Variants in NCKAP5 observed in about 807,000 individuals in gnomAD.
NCKAP5 encodes the protein NCK associated protein 5.
A neutral mutation model predicts 167.0 loss-of-function variants in NCKAP5; 92 were observed. That is an observed-to-expected ratio of 0.55 (90% confidence interval 0.47 to 0.66). The LOEUF is 0.66. Ranked by LOEUF, NCKAP5 falls within the 30% of genes least tolerant of loss-of-function variation. The pLI is 0.00. For synonymous variants in NCKAP5, 891 were observed against 877.4 expected (o/e 1.02, Z -0.27); for missense variants, 2,378 against 2,315.0 (o/e 1.03, Z -0.56).
chr2:133,643,152 G>A, the NCKAP5 span, among the ~76,000 whole-genome samples: 3 of 152,028 alleles, frequency 2.0e-5, no homozygotes, highest in South Asian at 6.2e-4. Flanking sequence ...TTAATTGTCT[G>A]GCCATTAATG....
intron 3 of NCKAP5, among the ~76,000 whole-genome samples, chr2:133,404,848 C>T (rs1688323057): frequency 6.6e-6 from 1 of 152,150 alleles, no homozygotes; most frequent in African/African-American, 2.4e-5. Flanking sequence ...ATCATTTTTA[C>T]CCCTAGATTA....
intron 6 of NCKAP5, among the ~76,000 whole-genome samples, chr2:133,111,764 G>T (rs1490871365): frequency 6.6e-6 from 1 of 152,160 alleles, no homozygotes; most frequent in African/African-American, 2.4e-5. Flanking sequence ...TCATTCAAGA[G>T]CCTCATTCAC....
At chr2:133,131,777 A>T (rs1484887541) in intron 5 of NCKAP5, among the ~76,000 whole-genome samples, 1 of 152,132 alleles carries the variant, frequency 6.6e-6, no homozygotes, top group Non-Finnish European at 1.5e-5. Flanking sequence ...ATTAAAGTTA[A>T]CTCTTTACAA....
chr2:132,987,377 T>C (rs572561616), intron 7 of NCKAP5, among the ~76,000 whole-genome samples: 12 of 152,304 alleles, frequency 7.9e-5, no homozygotes, highest in African/African-American at 2.4e-4. Context: ...TCATGTGCTT[T>C]CCACATACCA....
At chr2:132,681,670 A>G (rs1282206429) in intron 19 of NCKAP5, among the ~76,000 whole-genome samples, 1 of 152,140 alleles carries the variant, frequency 6.6e-6, no homozygotes, top group Non-Finnish European at 1.5e-5. Context: ...CTCCAATACC[A>G]TTGGAGATGG....
chr2:132,984,596 G>T (rs920551451), intron 7 of NCKAP5, among the ~76,000 whole-genome samples: 2 of 151,968 alleles, frequency 1.3e-5, no homozygotes, highest in African/African-American at 4.8e-5. Flanking sequence ...AAATCAATAA[G>T]GACAATATAG....
chr2:132,742,834 C>A (rs746065476), intron 16 of NCKAP5, among the ~76,000 whole-genome samples: 1 of 151,688 alleles, frequency 6.6e-6, no homozygotes, highest in Admixed American at 6.6e-5. Context: ...ATTTATTTTT[C>A]TTTTATGTGA....
chr2:133,360,668 A>G (rs1459581030), intron 3 of NCKAP5, among the ~76,000 whole-genome samples: 1 of 152,120 alleles, frequency 6.6e-6, no homozygotes, highest in Non-Finnish European at 1.5e-5. Context: ...CTGGACATGC[A>G]AGTCAGTGTC....
chr2:132,813,845 G>C (rs1686069680), intron 11 of NCKAP5, among the ~76,000 whole-genome samples: 1 of 152,204 alleles, frequency 6.6e-6, no homozygotes, highest in South Asian at 2.1e-4. Flanking sequence ...GGAAAGATTA[G>C]AACAAATGAA....
rs114048295 is a variant in NCKAP5 at position 132,876,654 on chromosome 2, A to G, written c.648+2194T>C. Among the ~76,000 whole-genome samples, 321 of 152,336 alleles carry G rather than the reference A, an allele frequency of 2.1e-3. 3 individuals are homozygous for G. The highest frequency in any genetic ancestry group is 7.2e-3 in the African/African-American group (298 of 41,574). ...CCTGCATGTGTAATCAGGGGTCAGTATTCATGAATACAAAATATGTGTATT... is the reference window on the plus strand; with the variant it reads ...CCTGCATGTGTAATCAGGGGTCAGTGTTCATGAATACAAAATATGTGTATT... On this transcript the variant is annotated intron_variant, in intron 9 of 19. Transcript: ENST00000409261.
At chr2:133,439,621 A>G (rs1452735286) in intron 3 of NCKAP5, among the ~76,000 whole-genome samples, 1 of 152,210 alleles carries the variant, frequency 6.6e-6, no homozygotes, top group Non-Finnish European at 1.5e-5. Flanking sequence ...GAATATACAT[A>G]CATGGAAATA....
At chr2:133,078,221 T>C (rs983283616) in intron 6 of NCKAP5, among the ~76,000 whole-genome samples, 2 of 152,310 alleles carry the variant, frequency 1.3e-5, no homozygotes, top group South Asian at 2.1e-4. Flanking sequence ...CTTCCCAACA[T>C]TTCAAGTCAG....
At chr2:133,022,238 T>C (rs2078553085) in intron 6 of NCKAP5, among the ~76,000 whole-genome samples, 1 of 152,158 alleles carries the variant, frequency 6.6e-6, no homozygotes, top group Admixed American at 6.5e-5. Flanking sequence ...TCTGAGAAAA[T>C]GCAGACACAG....
At chr2:133,554,167 T>A (rs943709917) in intron 2 of NCKAP5, 1 of 152,236 alleles carries the variant, frequency 6.6e-6, no homozygotes, top group African/African-American at 2.4e-5. Flanking sequence ...GGAGCTTGCC[T>A]GATGAGGTCA....
chr2:132,819,418 T>G (rs556412948), intron 11 of NCKAP5, among the ~76,000 whole-genome samples: 2 of 152,206 alleles, frequency 1.3e-5, no homozygotes, highest in African/African-American at 2.4e-5. Context: ...ATTTTAGCCC[T>G]GTGGTGAGCT....
chr2:132,762,006 C>A (rs911514217), intron 16 of NCKAP5, among the ~76,000 whole-genome samples: 1 of 152,166 alleles, frequency 6.6e-6, no homozygotes, highest in Non-Finnish European at 1.5e-5. Flanking sequence ...ATTTAGAATT[C>A]TTGGGGGGTT....
intron 15 of NCKAP5, among the ~76,000 whole-genome samples, chr2:132,776,888 C>T (rs1682598390): frequency 6.6e-6 from 1 of 151,944 alleles, no homozygotes; most frequent in African/African-American, 2.4e-5. Context: ...CAAGCATTTG[C>T]CAAAAATAGG....
the NCKAP5 span, among the ~76,000 whole-genome samples, chr2:133,589,811 T>C: frequency 6.6e-6 from 1 of 152,200 alleles, no homozygotes; most frequent in Non-Finnish European, 1.5e-5. Flanking sequence ...CAGGCATTGA[T>C]GGCCTTAGAG....
rs909544948 is a variant in NCKAP5 at position 133,468,226 on chromosome 2, G to C, written c.69+49232C>G. On this transcript the variant is annotated intron_variant, in intron 3 of 19. Transcript: ENST00000409261. ...GTATATTGTGTCTTTGTTCTAGTTGGTTTCAAAGAACATTTTTATTTCTGC... is the reference window on the plus strand; with the variant it reads ...GTATATTGTGTCTTTGTTCTAGTTGCTTTCAAAGAACATTTTTATTTCTGC... Among the ~76,000 whole-genome samples, 2 of 139,882 alleles carry C rather than the reference G, an allele frequency of 1.4e-5. 1 individual carries two copies. Among genetic ancestry groups the C allele is most frequent in the Middle Eastern group, 6.6e-3 (2 of 302 alleles). The allele number at this position is 139,882 out of a possible 152,430, so 91.8% of individuals were successfully genotyped here. A position where few individuals can be genotyped will look rare whatever the true frequency, so the allele number is the denominator to read the frequency against.
Sources: allele counts gnomAD v4.1 joint callset (sites outside exome capture counted in the v4.1 genomes callset), GRCh38; gene constraint gnomAD v4.1.1; transcripts MANE v1.5; gene names NCBI Gene and HGNC (gene_info 2026-07-23, HGNC 2026-07-21).